URI1: variants seen among roughly 807,000 people sequenced by gnomAD.
The protein encoded by URI1 is unconventional prefoldin RPB5 interactor 1.
A neutral mutation model predicts 60.2 loss-of-function variants in URI1; 39 were observed. That is an observed-to-expected ratio of 0.65 (90% CI 0.50 to 0.85). URI1 has a LOEUF of 0.85. Among genes scored for constraint, URI1 ranks in the 40% least tolerant of loss-of-function variants. URI1 has a pLI of 0.00. For missense variants in URI1, 691 were observed against 665.9 expected (o/e 1.04, Z -0.42); for synonymous variants, 251 against 236.8 (o/e 1.06, Z -0.55).
intron 4 of URI1, among the ~76,000 whole-genome samples, chr19:29,999,246 C>T (rs750763824): frequency 1.3e-5 from 2 of 151,922 alleles, no homozygotes; most frequent in Non-Finnish European, 1.5e-5. Flanking sequence ...CTTATTTTTG[C>T]CTATGTGTTT....
chr19:30,011,059 C>G, intron 8 of URI1, 35 bp from the exon 9 acceptor site: 1 of 1,588,482 alleles, frequency 6.3e-7, no homozygotes, highest in Non-Finnish European at 8.5e-7. Flanking sequence ...TTTAATTTGT[C>G]AAAAGATTCT....
At chr19:29,965,175 T>C (rs1431723218) in intron 1 of URI1, among the ~76,000 whole-genome samples, 1 of 152,202 alleles carries the variant, frequency 6.6e-6, no homozygotes, top group East Asian at 1.9e-4. Context: ...AGGACCAGAA[T>C]CTGTAATCAC....
In URI1 at chr19:29,942,249, G is replaced by A. The variant is rs1227806237; in HGVS notation, c.-299G>A. 1.3e-5 allele frequency: 13 copies of A among 984,688 alleles called. No homozygotes were observed. The South Asian group carries it at 3.7e-4, about 28-fold the overall frequency. The allele number at this position is 984,688 out of a possible 1,614,324, so 61.0% of individuals were successfully genotyped here. ...CGCGAGAGGCGGGGCGTGTGGGGAG[G>A]CGCGGCCGCCACGCGACGCCTGGCT... On this transcript the variant is annotated 5_prime_UTR_variant, in exon 1 of 11. Transcript: ENST00000392271.
intron 1 of URI1, chr19:29,956,937 C>T (rs2055256215): frequency 2.9e-6 from 3 of 1,033,400 alleles, no homozygotes; most frequent in Middle Eastern, 2.9e-4. Context: ...TTCAGAGTAA[C>T]GTTGACATTT....
chr19:30,014,156 T>C (rs2056057150), intron 10 of URI1: 1 of 152,170 alleles, frequency 6.6e-6, no homozygotes, highest in African/African-American at 2.4e-5. Context: ...CAGCAATTTA[T>C]GCACATTCTT....
chr19:29,961,247 CT>C (rs764946990), intron 1 of URI1, among the ~76,000 whole-genome samples: 3,311 of 128,686 alleles, frequency 0.026, 87 homozygotes, highest in African/African-American at 0.075. Context: ...ATCTCCAGGC[CT>C]TTTTTTTTTT....
chr19:29,944,140 CATATATATATATATATATATATATAT>C (rs56329506), intron 1 of URI1, among the ~76,000 whole-genome samples: 570 of 37,156 alleles, frequency 0.015, 42 homozygotes, highest in African/African-American at 0.025. Context: ...CCCTGTCATT[CATATATATATATATATATATATATAT>C]ATATATATAT....
At chr19:29,978,428 T>C (rs2055552385) in intron 2 of URI1, among the ~76,000 whole-genome samples, 2 of 152,206 alleles carry the variant, frequency 1.3e-5, no homozygotes, top group South Asian at 4.1e-4. Flanking sequence ...CACCTCATGA[T>C]TTTTTATCTT....
chr19:29,972,150 G>C (rs895363617), intron 2 of URI1, among the ~76,000 whole-genome samples: 1 of 152,078 alleles, frequency 6.6e-6, no homozygotes, highest in Admixed American at 6.6e-5. Flanking sequence ...CAGTGGATAA[G>C]AGTGAAAATT....
intron 1 of URI1, among the ~76,000 whole-genome samples, chr19:29,933,147 A>G (rs985775067): frequency 6.6e-6 from 1 of 152,202 alleles, no homozygotes; most frequent in Non-Finnish European, 1.5e-5. Flanking sequence ...CTGGCCTCAT[A>G]GAATGTGTTC....
At chr19:29,936,863 T>G (rs758766203) in intron 1 of URI1, among the ~76,000 whole-genome samples, 3 of 152,070 alleles carry the variant, frequency 2.0e-5, no homozygotes, top group Non-Finnish European at 4.4e-5. Context: ...AGTGATTCTC[T>G]GGCCTCAGCC....
chr19:29,976,269 G>A (rs1023402611), intron 2 of URI1, among the ~76,000 whole-genome samples: 2 of 152,162 alleles, frequency 1.3e-5, no homozygotes, highest in Non-Finnish European at 2.9e-5. Context: ...ACATGATTCA[G>A]TGGGTGTGCA....
Position 30,015,064 on chromosome 19 carries a change from G to A in URI1, c.1603G>A (p.Asp535Asn), listed in dbSNP as rs1490445060. 2.5e-6 allele frequency: 4 copies of A among 1,612,572 alleles called. No individual in the cohort carries two copies. The African/African-American group carries it at 5.3e-5, about 22-fold the overall frequency. The part of the protein sequence containing the change: ...KFKAARLQQK[D>N] ...TAAAGCTGCCAGATTGCAACAGAAA[G>A]ACTAGGCCCTGTCTAGGAAATGGGA... Residue 535 changes from aspartate (D) to asparagine (N), a missense_variant, in exon 11 of 11, where the codon GAC becomes AAC. Asp to Asn is a conservative substitution (Grantham distance 23). Transcript: ENST00000392271.
chr19:29,990,422 G>A (rs1487077625), intron 4 of URI1, among the ~76,000 whole-genome samples: 2 of 152,200 alleles, frequency 1.3e-5, no homozygotes, highest in Non-Finnish European at 2.9e-5. Context: ...AAATAAAAAT[G>A]TATGTCCACA....
chr19:30,014,932 T>G lies in URI1; in HGVS notation c.1471T>G (p.Leu491Val), dbSNP rs1233237269. 1.1e-5 allele frequency: 17 copies of G among 1,613,662 alleles called. No homozygotes were observed. The South Asian group carries it at 1.9e-4, about 18-fold the overall frequency. Reference protein sequence around the residue: ...VIEKEFVSPSLTPPPAIAHPA... With the variant: ...VIEKEFVSPSVTPPPAIAHPA... The stretch of plus-strand genomic sequence containing the variant: ...AGAAAAAGAATTTGTATCACCTTCC[T>G]TAACACCACCCCCAGCCATTGCTCA... The change falls in exon 11 of 11, where the codon TTA becomes GTA. Residue 491 changes from leucine (L) to valine (V), a missense_variant. Coordinates refer to ENST00000392271, the MANE Select transcript of URI1 (RefSeq NM_003796.3).
At chr19:29,961,553 G>T (rs914449560) in intron 1 of URI1, among the ~76,000 whole-genome samples, 1 of 151,412 alleles carries the variant, frequency 6.6e-6, no homozygotes, top group Non-Finnish European at 1.5e-5. Flanking sequence ...TGTATTATAC[G>T]TTTTTGTTTA....
chr19:29,953,812 T>A (rs2055208968), intron 1 of URI1, among the ~76,000 whole-genome samples: 1 of 152,120 alleles, frequency 6.6e-6, no homozygotes. Context: ...ATCTTAGACT[T>A]ACAAAGCCAC....
intron 1 of URI1, 44 bp downstream of exon 1, chr19:29,942,708 T>TGCCCCTGCCTGTGCTCTGGGCC (rs2055047098): frequency 1.5e-6 from 2 of 1,351,044 alleles, no homozygotes; most frequent in Non-Finnish European, 1.9e-6. Context: ...CCCGCCGGGC[T>TGCCCCTGCCTGTGCTCTGGGCC]GCCCCTGCCT....
intron 4 of URI1, among the ~76,000 whole-genome samples, chr19:29,988,771 A>G (rs1160863063): frequency 1.3e-5 from 2 of 152,230 alleles, no homozygotes; most frequent in East Asian, 1.9e-4. Flanking sequence ...TTGTGCGAAC[A>G]TACATTTTTA....
Sources: gnomAD v4.1 joint callset for allele counts (sites outside exome capture counted in the v4.1 genomes callset) on GRCh38, gnomAD v4.1.1 for gene constraint, MANE v1.5 for transcripts, NCBI Gene and HGNC (gene_info 2026-07-23, HGNC 2026-07-21) for gene names.